Variants in CFAP97D1 observed in about 807,000 individuals in gnomAD.
CFAP97D1 encodes sperm axonemal maintenance protein CFAP97D1.
Under a neutral mutation model 20.5 loss-of-function variants are expected in CFAP97D1, and 15 were observed. The observed-to-expected ratio is 0.73, with a 90% CI of 0.49 to 1.13. CFAP97D1 has a LOEUF of 1.13. Among genes scored for constraint, CFAP97D1 ranks in the 50% most tolerant of loss-of-function variants. CFAP97D1 has a pLI of 0.00. For missense variants in CFAP97D1, 168 were observed against 202.9 expected (o/e 0.83, Z 1.04); for synonymous variants, 58 against 71.2 (o/e 0.82, Z 0.93).
rs1159015646 is a variant in CFAP97D1 at position 43,786,422 on chromosome 17, G to C, written c.*2040G>C. On this transcript the variant is annotated 3_prime_UTR_variant, in exon 6 of 6. Coordinates refer to ENST00000449302, the MANE Select transcript of CFAP97D1 (RefSeq NM_001136483.3). Reference sequence around the variant, plus strand: ...ACAGGTAGTTGCACATAAAGGAACAGGGAGGCCTCCTGCACCCTTTACCCA... The same window carrying C: ...ACAGGTAGTTGCACATAAAGGAACACGGAGGCCTCCTGCACCCTTTACCCA... The C allele has an allele frequency of 6.6e-6, 1 of 152,148 alleles. No individual in the cohort carries two copies. The highest frequency in any genetic ancestry group is 1.5e-5 in the Non-Finnish European group (1 of 68,034). 9.4% of individuals were successfully genotyped at this position (152,148 alleles called of 1,614,324 possible). A position where few individuals can be genotyped will look rare whatever the true frequency, so the allele number is the denominator to read the frequency against.
chr17:43,782,465 G>C (rs1202927243), intron 3 of CFAP97D1, among the ~76,000 whole-genome samples: 5 of 152,126 alleles, frequency 3.3e-5, no homozygotes, highest in African/African-American at 7.2e-5. Flanking sequence ...TAAGAATTTT[G>C]GGGGACACAG....
chr17:43,783,070 A>T, intron 3 of CFAP97D1, 110 bp from the exon 4 acceptor site: 1 of 1,369,346 alleles, frequency 7.3e-7, no homozygotes. Context: ...AGGACAGTTT[A>T]CTCCCTGCAC....
At chr17:43,780,739 A>G (rs566694253) in intron 1 of CFAP97D1, among the ~76,000 whole-genome samples, 153 bp downstream of exon 1, 424 of 152,266 alleles carry the variant, frequency 2.8e-3, no homozygotes, top group Non-Finnish European at 4.7e-3. Flanking sequence ...ACCAATAACA[A>G]AATGTATCTT....
intron 2 of CFAP97D1, 100 bp downstream of exon 2, chr17:43,781,289 T>A (rs1974470220): frequency 1.0e-6 from 1 of 988,858 alleles, no homozygotes; most frequent in African/African-American, 1.6e-5. Flanking sequence ...TAAATACCCA[T>A]CTACTCAAAG....
At chr17:43,781,351 C>A (rs921453927) in intron 2 of CFAP97D1, among the ~76,000 whole-genome samples, 162 bp downstream of exon 2, 9 of 148,270 alleles carry the variant, frequency 6.1e-5, no homozygotes, top group African/African-American at 2.0e-4. Flanking sequence ...TTTTTTTCCC[C>A]CCTGATACGG....
In CFAP97D1 at chr17:43,783,890, A is replaced by T. The variant is rs1359649361; in HGVS notation, c.492A>T (p.Glu164Asp). ...NTTRYLLSQN[E>D] The stretch of plus-strand genomic sequence containing the variant: ...CGAGATATCTTCTCTCCCAAAATGA[A>T]TAGGTATGTCTCTCTTACTATCAAA... Residue 164 changes from glutamate (E) to aspartate (D), a missense_variant, in exon 5 of 6, where the codon GAA becomes GAT. Transcript: ENST00000449302. 2 of 1,548,110 alleles carry T rather than the reference A, an allele frequency of 1.3e-6. No homozygotes were observed. Among genetic ancestry groups the T allele is most frequent in the South Asian group, 2.4e-5 (2 of 84,000 alleles).
chr17:43,780,501 C>A lies in CFAP97D1; in HGVS notation c.39C>A (p.Ile13=). 1 of 1,551,570 alleles carries A rather than the reference C, an allele frequency of 6.4e-7. No individual in the cohort carries two copies. The highest frequency in any genetic ancestry group is 8.7e-7 in the Non-Finnish European group (1 of 1,146,906). Residue 13 remains isoleucine, a synonymous_variant, in exon 1 of 6, where the codon ATC becomes ATA. Transcript: ENST00000449302. The part of the protein sequence containing the change: ...NSLDYLAYPV[I]VSNHRQSTTF... ...TGGATTATCTGGCCTACCCTGTTAT[C>A]GTCTCTAATCACAGGCAAAGCACAA...
At chr17:43,781,539 C>G (rs1327057777) in intron 2 of CFAP97D1, among the ~76,000 whole-genome samples, 1 of 152,184 alleles carries the variant, frequency 6.6e-6, no homozygotes, top group African/African-American at 2.4e-5. Context: ...ACCATGTTGG[C>G]CAGGATGGTC....
Position 43,785,026 on chromosome 17 carries a change from TGAGA to T in CFAP97D1, c.*649_*652del, listed in dbSNP as rs1274798611. On this transcript the variant is annotated 3_prime_UTR_variant, in exon 6 of 6. Transcript: ENST00000449302. ...AGGAGAGAGAGAGAGAGAGAGAGAG[TGAGA>T]GAGATAGATAGAGAGTGAGAGAGAG... 17 of 109,808 alleles carry T rather than the reference TGAGA, an allele frequency of 1.5e-4. No individual in the cohort carries two copies. Among genetic ancestry groups the T allele is most frequent in the African/African-American group, 5.7e-4 (17 of 29,690 alleles). The allele number at this position is 109,808 out of a possible 1,614,324, so 6.8% of individuals were successfully genotyped here. A position where few individuals can be genotyped will look rare whatever the true frequency, so the allele number is the denominator to read the frequency against.
intron 4 of CFAP97D1, 92 bp downstream of exon 4, chr17:43,783,395 A>G (rs1458618971): frequency 1.4e-6 from 2 of 1,452,042 alleles, no homozygotes; most frequent in Admixed American, 2.2e-5. Flanking sequence ...CTGAACAGCT[A>G]GAGTCAGATC....
In CFAP97D1 at chr17:43,786,220, T is replaced by C. The variant is rs2044291578; in HGVS notation, c.*1838T>C. The C allele has an allele frequency of 6.6e-6, 1 of 152,188 alleles. No homozygotes were observed. Among genetic ancestry groups the C allele is most frequent in the African/African-American group, 2.4e-5 (1 of 41,436 alleles). The allele number at this position is 152,188 out of a possible 1,614,324, so 9.4% of individuals were successfully genotyped here. A position where few individuals can be genotyped will look rare whatever the true frequency, so the allele number is the denominator to read the frequency against. ...GCAAGTTGGATGATGCCTCTCCACA[T>C]TGAGAGTGGATCTTCCCACATAGTT... is the stretch of plus-strand genomic sequence containing the variant. On this transcript the variant is annotated 3_prime_UTR_variant, in exon 6 of 6. Coordinates refer to ENST00000449302, the MANE Select transcript of CFAP97D1 (RefSeq NM_001136483.3).
chr17:43,783,103 T>A, intron 3 of CFAP97D1, 77 bp from the exon 4 acceptor site: 1 of 1,528,980 alleles, frequency 6.5e-7, no homozygotes, highest in Non-Finnish European at 8.9e-7. Flanking sequence ...GCATTTATGA[T>A]CTCATGACTT....
At chr17:43,783,447 C>A in intron 4 of CFAP97D1, 144 bp downstream of exon 4, 3 of 1,160,092 alleles carry the variant, frequency 2.6e-6, no homozygotes, top group Non-Finnish European at 2.4e-6. Context: ...CCATCCAAAG[C>A]AAACAAAGCT....
intron 5 of CFAP97D1, among the ~76,000 whole-genome samples, 178 bp from the exon 6 acceptor site, chr17:43,784,205 G>A (rs973510891): frequency 3.3e-5 from 5 of 152,156 alleles, no homozygotes; most frequent in Admixed American, 2.6e-4. Flanking sequence ...TACATTCCAG[G>A]TCTCTGTCAG....
Position 43,784,864 on chromosome 17 carries a change from T to C in CFAP97D1, c.*482T>C, listed in dbSNP as rs2044281638. 6.6e-6 allele frequency: 1 copy of C among 152,114 alleles called. No individual in the cohort carries two copies. Among genetic ancestry groups the C allele is most frequent in the South Asian group, 2.1e-4 (1 of 4,822 alleles). The allele number at this position is 152,114 out of a possible 1,614,324, so 9.4% of individuals were successfully genotyped here. A position where few individuals can be genotyped will look rare whatever the true frequency, so the allele number is the denominator to read the frequency against. On this transcript the variant is annotated 3_prime_UTR_variant, in exon 6 of 6. Coordinates refer to ENST00000449302, the MANE Select transcript of CFAP97D1 (RefSeq NM_001136483.3). ...CTCATTGAAGTTTCCATGGACTCTGTTCATTTATAGGGAGCAGCAGCAGTG... is the reference window on the plus strand; with the variant it reads ...CTCATTGAAGTTTCCATGGACTCTGCTCATTTATAGGGAGCAGCAGCAGTG...
chr17:43,781,324 C>T (rs1184503731), intron 2 of CFAP97D1, 135 bp downstream of exon 2: 10 of 717,588 alleles, frequency 1.4e-5, no homozygotes, highest in East Asian at 5.4e-5. Flanking sequence ...CTCCTCCCCA[C>T]GCGTCACCCC....
chr17:43,783,148 C>T, intron 3 of CFAP97D1, 32 bp from the exon 4 acceptor site: 1 of 1,551,498 alleles, frequency 6.4e-7, no homozygotes, highest in Non-Finnish European at 8.7e-7. Context: ...GCATTTCCTT[C>T]TTCACCCATT....
chr17:43,783,010 C>T (rs903584346), intron 3 of CFAP97D1, 170 bp from the exon 4 acceptor site: 15 of 690,320 alleles, frequency 2.2e-5, no homozygotes, highest in South Asian at 9.6e-5. Context: ...GCATGTTTCC[C>T]GGAGTGCAGT....
At chr17:43,782,953 A>G (rs1974489583) in intron 3 of CFAP97D1, 1 of 543,972 alleles carries the variant, frequency 1.8e-6, no homozygotes, top group Non-Finnish European at 3.3e-6. Flanking sequence ...GAATCTTCTC[A>G]TGGGCAACAG....
Sources: allele counts gnomAD v4.1 joint callset (sites outside exome capture counted in the v4.1 genomes callset), GRCh38; gene constraint gnomAD v4.1.1; transcripts MANE v1.5; gene names NCBI Gene and HGNC (gene_info 2026-07-23, HGNC 2026-07-21).